SGCZ: variants seen among roughly 807,000 people sequenced by gnomAD.
The protein encoded by SGCZ is zeta-sarcoglycan.
In SGCZ, 40 loss-of-function variants were observed where a neutral mutation model predicts 41.3. The observed-to-expected ratio is 0.97, with a 90% CI of 0.75 to 1.26. The LOEUF is 1.26. Ranked by LOEUF, SGCZ falls within the 50% of genes most tolerant of loss-of-function variation. SGCZ has a pLI of 0.00. For synonymous variants in SGCZ, 206 were observed against 137.5 expected (o/e 1.50, Z -3.49); for missense variants, 552 against 369.8 (o/e 1.49, Z -4.04).
chr8:14,829,470 G>A (rs114874547), intron 1 of SGCZ, among the ~76,000 whole-genome samples: 114 of 152,126 alleles, frequency 7.5e-4, no homozygotes, highest in African/African-American at 2.5e-3. Context: ...ACTTCTTGAA[G>A]TCCCCTTGTA....
At chr8:14,488,190 A>G (rs1801733284) in intron 2 of SGCZ, among the ~76,000 whole-genome samples, 1 of 125,788 alleles carries the variant, frequency 7.9e-6, no homozygotes, top group Non-Finnish European at 1.7e-5. Flanking sequence ...GTTGTTCCCT[A>G]CTGTCTCACT....
At chr8:14,506,014 T>C (rs997163124) in intron 2 of SGCZ, among the ~76,000 whole-genome samples, 10 of 152,060 alleles carry the variant, frequency 6.6e-5, no homozygotes, top group African/African-American at 2.2e-4. Context: ...CATTCTTCTT[T>C]TTTTTTTCAT....
At chr8:14,532,398 T>A (rs1008636502) in intron 2 of SGCZ, among the ~76,000 whole-genome samples, 3 of 152,044 alleles carry the variant, frequency 2.0e-5, no homozygotes, top group African/African-American at 7.2e-5. Context: ...GAGCCACCAA[T>A]AACAGAATTC....
chr8:14,530,221 T>TA (rs1554533193), intron 2 of SGCZ, among the ~76,000 whole-genome samples: 232 of 151,876 alleles, frequency 1.5e-3, no homozygotes, highest in African/African-American at 5.2e-3. Context: ...GAAATTTTTT[T>TA]TAAAAAAAAT....
chr8:14,230,816 T>C (rs1257806005), intron 4 of SGCZ, among the ~76,000 whole-genome samples: 1 of 151,786 alleles, frequency 6.6e-6, no homozygotes, highest in African/African-American at 2.4e-5. Context: ...GCCTTTCTAG[T>C]AAACATGTTT....
chr8:14,860,512 A>T (rs1217971762), intron 1 of SGCZ, among the ~76,000 whole-genome samples: 1 of 151,370 alleles, frequency 6.6e-6, no homozygotes, highest in East Asian at 1.9e-4. Context: ...AAAGAGACAG[A>T]ATGAAAAGAG....
chr8:15,148,243 T>G lies in SGCZ; in HGVS notation c.39+89342A>C, dbSNP rs554298016. Among the ~76,000 whole-genome samples the G allele has an allele frequency of 7.9e-5, 12 of 152,330 alleles. No homozygotes were observed. In the South Asian group the frequency reaches 1.2e-3, roughly 16 times the overall value. The stretch of plus-strand genomic sequence containing the variant: ...AAACAATTCACTCTCTCTTGGATGA[T>G]GTGAGTCAATATTGGGGAAATAGTA... On this transcript the variant is annotated intron_variant, in intron 1 of 7. Transcript: ENST00000382080.
intron 3 of SGCZ, among the ~76,000 whole-genome samples, chr8:14,258,042 T>C (rs1037763780): frequency 2.0e-5 from 3 of 152,182 alleles, no homozygotes; most frequent in Admixed American, 1.3e-4. Context: ...GCGTGACATT[T>C]TGATTGAACT....
chr8:14,953,072 T>C (rs1259995359), intron 1 of SGCZ, among the ~76,000 whole-genome samples: 1 of 152,086 alleles, frequency 6.6e-6, no homozygotes, highest in Admixed American at 6.6e-5. Context: ...AAATCAGACG[T>C]TTGTGTGTGT....
chr8:14,323,316 C>T (rs892813471), intron 3 of SGCZ, among the ~76,000 whole-genome samples: 3 of 151,964 alleles, frequency 2.0e-5, no homozygotes, highest in African/African-American at 4.8e-5. Flanking sequence ...CTAAAATAGA[C>T]TTTCACATTT....
intron 1 of SGCZ, among the ~76,000 whole-genome samples, chr8:14,862,982 G>C (rs947658338): frequency 6.6e-6 from 1 of 152,078 alleles, no homozygotes; most frequent in Non-Finnish European, 1.5e-5. Flanking sequence ...GGCCTTCCAA[G>C]TTGAAGGGAA....
intron 1 of SGCZ, among the ~76,000 whole-genome samples, chr8:15,013,731 T>C (rs1802918894): frequency 6.6e-6 from 1 of 152,216 alleles, no homozygotes; most frequent in African/African-American, 2.4e-5. Context: ...TGCAGAATTG[T>C]TTATGTAAAA....
At chr8:14,725,118 C>T (rs1044065960) in intron 1 of SGCZ, among the ~76,000 whole-genome samples, 32 of 152,162 alleles carry the variant, frequency 2.1e-4, no homozygotes, top group African/African-American at 7.2e-4. Context: ...CTGTGCTTGG[C>T]TTATTTCACT....
At chr8:14,111,762 A>G (rs749699542) in intron 5 of SGCZ, among the ~76,000 whole-genome samples, 7 of 152,210 alleles carry the variant, frequency 4.6e-5, no homozygotes, top group Non-Finnish European at 8.8e-5. Context: ...TGGCTTCTGC[A>G]GGAAAGAATA....
chr8:14,831,446 T>C (rs1282310752), intron 1 of SGCZ, among the ~76,000 whole-genome samples: 2 of 152,208 alleles, frequency 1.3e-5, no homozygotes, highest in Admixed American at 6.5e-5. Flanking sequence ...ATGCTCATAA[T>C]TCTGGGACAC....
chr8:14,239,237 G>C (rs1393146243), intron 3 of SGCZ, among the ~76,000 whole-genome samples: 1 of 97,052 alleles, frequency 1.0e-5, no homozygotes. Context: ...AAAGATGATG[G>C]TTCATACATG....
intron 3 of SGCZ, among the ~76,000 whole-genome samples, chr8:14,273,874 T>G (rs990791625): frequency 1.3e-5 from 2 of 152,166 alleles, no homozygotes; most frequent in African/African-American, 4.8e-5. Flanking sequence ...CCCTAGTATC[T>G]TAGAAGTCTG....
At chr8:14,307,734 C>A (rs114659377) in intron 3 of SGCZ, among the ~76,000 whole-genome samples, 1 of 151,756 alleles carries the variant, frequency 6.6e-6, no homozygotes, top group African/African-American at 2.4e-5. Flanking sequence ...TTTTTTTCAT[C>A]TTTTTTAATA....
At chr8:14,426,150 C>T (rs780963707) in intron 2 of SGCZ, among the ~76,000 whole-genome samples, 3 of 152,024 alleles carry the variant, frequency 2.0e-5, no homozygotes, top group African/African-American at 4.8e-5. Context: ...AGGGATTCAG[C>T]CCCTAATAAA....
Sources: allele counts gnomAD v4.1 joint callset (sites outside exome capture counted in the v4.1 genomes callset), GRCh38; gene constraint gnomAD v4.1.1; transcripts MANE v1.5; gene names NCBI Gene and HGNC (gene_info 2026-07-23, HGNC 2026-07-21).